SNX2: variants seen among roughly 807,000 people sequenced by gnomAD.
SNX2 encodes the protein sorting nexin 2.
Under a neutral mutation model 69.9 loss-of-function variants are expected in SNX2, and 25 were observed. That is an observed-to-expected ratio of 0.36 (90% CI 0.26 to 0.50). The LOEUF is 0.50. SNX2 is among the 20% of genes least tolerant of loss of function. The pLI is 0.97. For synonymous variants in SNX2, 229 were observed against 200.4 expected, an observed-to-expected ratio of 1.14 and a Z score of -1.20; for missense variants, 551 against 613.3, an observed-to-expected ratio of 0.90 and a Z score of 1.07.
At chr5:122,828,205 A>G (rs1009107499) in intron 14 of SNX2, among the ~76,000 whole-genome samples, 8 of 152,292 alleles carry the variant, frequency 5.3e-5, no homozygotes, top group Non-Finnish European at 1.0e-4. Flanking sequence ...GTAACAGGTC[A>G]AGTAATTTAA....
At chr5:122,805,232 A>G (rs1298096475) in intron 6 of SNX2, among the ~76,000 whole-genome samples, 2 of 149,852 alleles carry the variant, frequency 1.3e-5, no homozygotes, top group Non-Finnish European at 3.0e-5. Flanking sequence ...CAGAGGTTGC[A>G]GTGAGCCAAG....
At position 122,829,810 on chromosome 5, in the gene SNX2, ACT is replaced by A. The variant is rs1754244461; in HGVS notation, c.*165_*166del. 9.4e-6 allele frequency: 5 copies of A among 531,416 alleles called. No homozygotes were observed. Among genetic ancestry groups the A allele is most frequent in the African/African-American group, 2.0e-5 (1 of 49,592 alleles). 32.9% of individuals were successfully genotyped at this position (531,416 alleles called of 1,614,324 possible). On this transcript the variant is annotated 3_prime_UTR_variant, in exon 15 of 15. Coordinates refer to ENST00000379516, the MANE Select transcript of SNX2 (RefSeq NM_003100.4). ...CACACACACACACACACACACACAC[ACT>A]CTGACATTTTATTACAAGCTGCATG... is the stretch of plus-strand genomic sequence containing the variant.
At chr5:122,779,683 G>A (rs184536199) in intron 1 of SNX2, among the ~76,000 whole-genome samples, 3 of 152,198 alleles carry the variant, frequency 2.0e-5, no homozygotes, top group Non-Finnish European at 4.4e-5. Context: ...CATTTGAAGA[G>A]TTGCCAGACT....
At chr5:122,805,110 G>A (rs562059035) in intron 6 of SNX2, among the ~76,000 whole-genome samples, 3 of 151,702 alleles carry the variant, frequency 2.0e-5, no homozygotes, top group South Asian at 4.2e-4. Context: ...TGGCCAACAC[G>A]GTGAAACCCT....
At chr5:122,794,826 G>A (rs1753337955) in intron 1 of SNX2, among the ~76,000 whole-genome samples, 1 of 151,732 alleles carries the variant, frequency 6.6e-6, no homozygotes, top group Non-Finnish European at 1.5e-5. Flanking sequence ...GTTCAAGCTG[G>A]GCAACATGGT....
At position 122,775,950 on chromosome 5, in the gene SNX2, G is replaced by T. The variant is rs531197165; in HGVS notation, c.108+739G>T. Among the ~76,000 whole-genome samples the T allele has an allele frequency of 5.3e-5, 8 of 152,254 alleles. No homozygotes were observed. The South Asian group carries it at 1.7e-3, about 32-fold the overall frequency. On this transcript the variant is annotated intron_variant, in intron 1 of 14. Transcript: ENST00000379516. ...ACTCCTTTTTCCTCTTTTCTCGCTT[G>T]ATCAGCGATCTCTGAAGCTGTGTGT...
At position 122,808,305 on chromosome 5, in the gene SNX2, AGAC is replaced by A; in HGVS notation, c.673_675del (p.Asp225del). The A allele has an allele frequency of 6.2e-7, 1 of 1,611,530 alleles. No homozygotes were observed. The highest frequency in any genetic ancestry group is 8.5e-7 in the Non-Finnish European group (1 of 1,179,018). On this transcript the variant is annotated inframe_deletion, in exon 7 of 15. Transcript: ENST00000379516. ...TGACCAAGGTCAAAGTGGGTAAAGA[AGAC>A]TCATCATCCACTGAGTTTGTAGAAA...
Position 122,827,653 on chromosome 5 carries a change from C to T in SNX2, c.1509+7C>T. The stretch of plus-strand genomic sequence containing the variant: ...AGTTCAAACACAACAACAGGTAAGC[C>T]ATTTTTGTTTATAACTTAAACTTCT... On this transcript the variant is annotated splice_region_variant and intron_variant, in intron 14 of 14. Transcript: ENST00000379516. The T allele has an allele frequency of 1.3e-6, 2 of 1,598,784 alleles. No homozygotes were observed. The highest frequency in any genetic ancestry group is 1.7e-6 in the Non-Finnish European group (2 of 1,169,148).
chr5:122,814,773 G>A (rs542538491), intron 7 of SNX2, among the ~76,000 whole-genome samples: 174 of 40,418 alleles, frequency 4.3e-3, no homozygotes, highest in Admixed American at 0.012. Flanking sequence ...TTTTTGAGAC[G>A]GAGTTTCACT....
intron 3 of SNX2, among the ~76,000 whole-genome samples, chr5:122,800,540 C>T (rs1753482943): frequency 6.6e-6 from 1 of 152,018 alleles, no homozygotes; most frequent in Admixed American, 6.6e-5. Flanking sequence ...GGCTAGATGT[C>T]AGGGTAGTGG....
At position 122,829,789 on chromosome 5, in the gene SNX2, CACACA is replaced by C; in HGVS notation, c.*142_*146del. 2 of 416,996 alleles carry C rather than the reference CACACA, an allele frequency of 4.8e-6. No homozygotes were observed. The highest frequency in any genetic ancestry group is 3.7e-5 in the Admixed American group (1 of 27,142). 25.8% of individuals were successfully genotyped at this position (416,996 alleles called of 1,614,324 possible). The stretch of plus-strand genomic sequence containing the variant: ...GTGGTTTTATATACACACACACACA[CACACA>C]CACACACACACACACACTCTGACAT... On this transcript the variant is annotated 3_prime_UTR_variant, in exon 15 of 15. Transcript: ENST00000379516.
At chr5:122,795,531 A>G (rs1051744280) in intron 2 of SNX2, 148 bp downstream of exon 2, 12 of 602,476 alleles carry the variant, frequency 2.0e-5, no homozygotes, top group Admixed American at 6.1e-5. Flanking sequence ...ATTTCCAGTC[A>G]CATCACTCTA....
At chr5:122,810,272 C>A (rs912744976) in intron 7 of SNX2, among the ~76,000 whole-genome samples, 1 of 150,184 alleles carries the variant, frequency 6.7e-6, no homozygotes, top group African/African-American at 2.5e-5. Context: ...TGCGGAAGGC[C>A]GCAGGGTCCT....
At chr5:122,821,492 G>T (rs1301071748) in intron 11 of SNX2, among the ~76,000 whole-genome samples, 1 of 146,188 alleles carries the variant, frequency 6.8e-6, no homozygotes, top group East Asian at 2.0e-4. Flanking sequence ...GACTCGCTCT[G>T]TCGCCCAGGC....
intron 7 of SNX2, 101 bp from the exon 8 acceptor site, chr5:122,815,791 TAGTG>T (rs1753886096): frequency 1.1e-5 from 6 of 543,490 alleles, no homozygotes; most frequent in Non-Finnish European, 1.6e-5. Flanking sequence ...TAATACGAGG[TAGTG>T]AGGACACTTT....
chr5:122,826,201 C>G lies in SNX2; in HGVS notation c.1356+8C>G, dbSNP rs757281965. Reference sequence around the variant, plus strand: ...AAAAATGAAATAAGAGAGGTGATTACTAAATGCTTTAATCTCTTTACTTAA... The same window carrying G: ...AAAAATGAAATAAGAGAGGTGATTAGTAAATGCTTTAATCTCTTTACTTAA... On this transcript the variant is annotated splice_region_variant and intron_variant, in intron 12 of 14. Coordinates refer to ENST00000379516, the MANE Select transcript of SNX2 (RefSeq NM_003100.4). 8 of 1,605,426 alleles carry G rather than the reference C, an allele frequency of 5.0e-6. No homozygotes were observed. The African/African-American group carries it at 8.0e-5, about 16-fold the overall frequency.
At chr5:122,799,957 A>G in intron 3 of SNX2, 102 bp downstream of exon 3, 1 of 912,116 alleles carries the variant, frequency 1.1e-6, no homozygotes, top group Admixed American at 2.8e-5. Context: ...CCTTTTAGAC[A>G]TTTTGGGAAA....
intron 7 of SNX2, among the ~76,000 whole-genome samples, chr5:122,813,349 TTTTTTAGTATATG>T (rs1343590017): frequency 6.6e-6 from 1 of 152,104 alleles, no homozygotes; most frequent in Non-Finnish European, 1.5e-5. Context: ...CATACATGTA[TTTTTTAGTATATG>T]TATTTAGTAT....
intron 1 of SNX2, among the ~76,000 whole-genome samples, chr5:122,794,762 C>T (rs1056845137): frequency 3.3e-5 from 5 of 152,158 alleles, no homozygotes; most frequent in African/African-American, 1.2e-4. Flanking sequence ...TGGCACACAC[C>T]TGTAATCCCA....
Sources: gnomAD v4.1 joint callset for allele counts (sites outside exome capture counted in the v4.1 genomes callset) on GRCh38, gnomAD v4.1.1 for gene constraint, MANE v1.5 for transcripts, NCBI Gene and HGNC (gene_info 2026-07-23, HGNC 2026-07-21) for gene names.